TET3: variants seen among roughly 807,000 people sequenced by gnomAD.
TET3 encodes tet methylcytosine dioxygenase 3.
Under a neutral mutation model 141.4 loss-of-function variants are expected in TET3, and 19 were observed. That is an observed-to-expected ratio of 0.13 (90% CI 0.09 to 0.20). TET3 has a LOEUF of 0.20. Ranked by LOEUF, TET3 falls within the 10% of genes least tolerant of loss-of-function variation. The probability of loss-of-function intolerance (pLI) is 1.00; values close to 1 mark genes in which losing one functional copy is unlikely to be tolerated. For missense variants in TET3, 1,874 were observed against 2,356.9 expected (o/e 0.80, Z 4.24); for synonymous variants, 1,043 against 980.9 (o/e 1.06, Z -1.18).
At chr2:74,017,133 T>C (rs909006052) in intron 3 of TET3, among the ~76,000 whole-genome samples, 1 of 151,876 alleles carries the variant, frequency 6.6e-6, no homozygotes, top group Non-Finnish European at 1.5e-5. Context: ...TAGCAAAAAA[T>C]TTAAAATTAG....
chr2:74,035,827 C>T (rs1687020821), intron 3 of TET3, among the ~76,000 whole-genome samples: 1 of 152,038 alleles, frequency 6.6e-6, no homozygotes, highest in South Asian at 2.1e-4. Context: ...GCCTGACCAA[C>T]ATAATGAAAC....
intron 3 of TET3, among the ~76,000 whole-genome samples, chr2:74,003,857 CGGGGAGCTGGGGTGTTTGAGACAGGGGA>C (rs1685006933): frequency 1.2e-5 from 1 of 81,460 alleles, no homozygotes; most frequent in Admixed American, 1.4e-4. Context: ...GTCTGGGGGG[CGGGGAGCTGGGGTGTTTGAGACAGGGGA>C]GGGGAGAGTC....
intron 4 of TET3, among the ~76,000 whole-genome samples, chr2:74,059,033 G>C (rs2103803730): frequency 6.6e-6 from 1 of 152,342 alleles, no homozygotes; most frequent in South Asian, 2.1e-4. Context: ...CAGAGCCTAA[G>C]ATGTGTGCTG....
At chr2:74,006,642 C>G (rs1294409527) in intron 3 of TET3, among the ~76,000 whole-genome samples, 3 of 152,196 alleles carry the variant, frequency 2.0e-5, no homozygotes, top group African/African-American at 7.2e-5. Context: ...AAGTCCCCTC[C>G]CATACCCCGG....
chr2:74,117,688 A>G, the TET3 span, among the ~76,000 whole-genome samples: 1 of 152,216 alleles, frequency 6.6e-6, no homozygotes, highest in Non-Finnish European at 1.5e-5. Context: ...AAGAATGCAT[A>G]AAATACAGGT....
chr2:74,120,358 C>T, the TET3 span, among the ~76,000 whole-genome samples: 5 of 152,388 alleles, frequency 3.3e-5, no homozygotes, highest in Admixed American at 3.3e-4. Flanking sequence ...CAGGAGCTTC[C>T]GGAGAGATGG....
chr2:74,101,638 C>T lies in TET3; in HGVS notation c.4850C>T (p.Pro1617Leu). 6.2e-7 allele frequency: 1 copy of T among 1,613,470 alleles called. No homozygotes were observed. The highest frequency in any genetic ancestry group is 8.5e-7 in the Non-Finnish European group (1 of 1,179,740). Reference protein sequence around the residue: ...SLEEGPAEEPPSKGAVKEEKG... With the variant: ...SLEEGPAEEPLSKGAVKEEKG... The stretch of plus-strand genomic sequence containing the variant: ...GAGGAGGGGCCGGCTGAGGAGCCCC[C>T]CAGCAAGGGAGCGGTGAAGGAGGAG... The change falls in exon 12 of 12, where the codon CCC becomes CTC. Residue 1617 changes from proline (P) to leucine (L), a missense_variant. Around this residue, in one of 10 missense-constraint regions of TET3, gnomAD observed 602 missense variants for 590.2 expected, o/e 1.02. Coordinates refer to ENST00000409262, the MANE Select transcript of TET3 (RefSeq NM_001287491.2). This position sits in a 1 kb window ranked among gnomAD's most constrained non-coding sequence, Gnocchi z 8.5.
chr2:74,129,427 G>A, the TET3 span, among the ~76,000 whole-genome samples: 7 of 150,616 alleles, frequency 4.6e-5, no homozygotes, highest in South Asian at 4.2e-4. Context: ...GAGGTCAGGC[G>A]TTTGAGACCA....
chr2:74,023,886 C>G (rs1686202025), intron 3 of TET3, among the ~76,000 whole-genome samples: 1 of 152,212 alleles, frequency 6.6e-6, no homozygotes, highest in African/African-American at 2.4e-5. Context: ...GGAGAGTCAT[C>G]TCTTGGATTC....
chr2:74,005,659 G>A (rs1307970838), intron 3 of TET3, among the ~76,000 whole-genome samples: 1 of 152,206 alleles, frequency 6.6e-6, no homozygotes, highest in Non-Finnish European at 1.5e-5. Flanking sequence ...TGCTGGCTGA[G>A]GAAGCCCCAT....
intron 2 of TET3, among the ~76,000 whole-genome samples, chr2:73,988,094 C>A (rs1684136907): frequency 2.0e-5 from 3 of 152,310 alleles, no homozygotes; most frequent in Admixed American, 2.0e-4. Context: ...ACATCTGGAT[C>A]ACATATGCAG....
At chr2:73,992,946 C>T (rs1031407273) in intron 2 of TET3, among the ~76,000 whole-genome samples, 1 of 152,156 alleles carries the variant, frequency 6.6e-6, no homozygotes, top group South Asian at 2.1e-4. Flanking sequence ...GATGGCATCT[C>T]CTGCCAGCTT....
intron 4 of TET3, among the ~76,000 whole-genome samples, chr2:74,070,638 C>T (rs1259154987): frequency 1.3e-5 from 2 of 152,188 alleles, no homozygotes; most frequent in African/African-American, 4.8e-5. Context: ...ATCCATTCCA[C>T]TGTTGCTGAA....
intron 2 of TET3, among the ~76,000 whole-genome samples, chr2:73,995,908 T>G (rs535089035): frequency 2.6e-5 from 4 of 152,248 alleles, no homozygotes; most frequent in African/African-American, 9.6e-5. Context: ...CCCAGTCCAC[T>G]GCTTCTCCTT....
chr2:74,132,973 C>T, the TET3 span, among the ~76,000 whole-genome samples: 6 of 152,198 alleles, frequency 3.9e-5, no homozygotes, highest in Admixed American at 3.3e-4. Flanking sequence ...TCTTGGCTCA[C>T]TGAAGCCTCT....
the TET3 span, among the ~76,000 whole-genome samples, chr2:74,124,745 T>A: frequency 1.3e-5 from 2 of 152,060 alleles, no homozygotes; most frequent in Non-Finnish European, 2.9e-5. Flanking sequence ...TTAAGAGTCA[T>A]CACCACTCCC....
At chr2:74,123,111 T>C in the TET3 span, 1 of 152,118 alleles carries the variant, frequency 6.6e-6, no homozygotes, top group African/African-American at 2.4e-5. Context: ...ATATTGTATA[T>C]TATAGAGGAA....
chr2:74,127,989 A>G, the TET3 span, among the ~76,000 whole-genome samples: 1 of 152,204 alleles, frequency 6.6e-6, no homozygotes, highest in Non-Finnish European at 1.5e-5. Context: ...TTTTCTTCCA[A>G]CAGTTCTGTT....
chr2:74,017,857 C>G (rs535790078), intron 3 of TET3, among the ~76,000 whole-genome samples: 1 of 152,048 alleles, frequency 6.6e-6, no homozygotes, highest in South Asian at 2.1e-4. Flanking sequence ...TTCCCACCAA[C>G]AGTCTGTAAG....
Sources: allele counts gnomAD v4.1 joint callset (sites outside exome capture counted in the v4.1 genomes callset), GRCh38; gene constraint gnomAD v4.1.1; regional missense constraint gnomAD v4.1.1; non-coding constraint Gnocchi (gnomAD v3.1); transcripts MANE v1.5; gene names NCBI Gene and HGNC (gene_info 2026-07-23, HGNC 2026-07-21).